The following KRT8 variants were observed in gnomAD, a reference collection of about 807,000 sequenced individuals.
KRT8 encodes the protein keratin, type II cytoskeletal 8.
In KRT8, 24 loss-of-function variants were observed where a neutral mutation model predicts 43.0. The observed-to-expected ratio is 0.56, with a 90% CI of 0.40 to 0.78. The LOEUF is 0.78. Ranked by LOEUF, KRT8 falls within the 30% of genes least tolerant of loss-of-function variation. The pLI is 0.00. For synonymous variants in KRT8, 214 were observed against 261.2 expected (o/e 0.82, Z 1.74); for missense variants, 492 against 638.4 (o/e 0.77, Z 2.47).
At chr12:52,929,850 C>T (rs772277006) in intron 2 of KRT8, among the ~76,000 whole-genome samples, 1 of 152,186 alleles carries the variant, frequency 6.6e-6, no homozygotes, top group Admixed American at 6.5e-5. Flanking sequence ...AGATCAACAT[C>T]TCCAGACTCT....
chr12:52,947,466 T>A (rs1481368871), intron 2 of KRT8: 2 of 118,276 alleles, frequency 1.7e-5, no homozygotes, highest in Non-Finnish European at 1.7e-5. Flanking sequence ...TAGGACACAT[T>A]ACTTTTATTT....
intron 2 of KRT8, among the ~76,000 whole-genome samples, chr12:52,913,606 C>T (rs1450198461): frequency 6.7e-6 from 1 of 149,338 alleles, no homozygotes; most frequent in Non-Finnish European, 1.5e-5. Flanking sequence ...CACACAACCT[C>T]AGCCTATAGC....
At chr12:52,945,756 C>T (rs1040016041) in intron 2 of KRT8, among the ~76,000 whole-genome samples, 82 of 152,212 alleles carry the variant, frequency 5.4e-4, no homozygotes, top group Middle Eastern at 3.4e-3. Flanking sequence ...TTTCCGGATT[C>T]CCCCCTGCCG....
intron 3 of KRT8, 132 bp from the exon 4 acceptor site, chr12:52,900,815 C>A (rs1003184992): frequency 1.4e-6 from 1 of 699,774 alleles, no homozygotes; most frequent in Non-Finnish European, 2.6e-6. Context: ...ATCTTCCAGC[C>A]CAGCCTCTGC....
chr12:52,912,991 G>A (rs200932008), intron 2 of KRT8, among the ~76,000 whole-genome samples: 27 of 152,360 alleles, frequency 1.8e-4, no homozygotes, highest in African/African-American at 6.5e-4. Context: ...GGAGCTAAGG[G>A]AGGAGCAGGA....
At chr12:52,904,582 G>C (rs531480180) in intron 1 of KRT8, 76 bp downstream of exon 1, 2 of 1,370,398 alleles carry the variant, frequency 1.5e-6, no homozygotes, top group Admixed American at 3.4e-5. Flanking sequence ...CTGGGGGCTG[G>C]AGATGTGCAT....
At chr12:52,910,079 A>G (rs1941603731), upstream of KRT8, among the ~76,000 whole-genome samples, 2 of 151,894 alleles carry the variant, frequency 1.3e-5, no homozygotes, top group Non-Finnish European at 1.5e-5. Flanking sequence ...CCTTTCTCAC[A>G]TTTTCAACAT....
chr12:52,905,822 G>C (rs188608949), upstream of KRT8, among the ~76,000 whole-genome samples: 152 of 152,132 alleles, frequency 1.0e-3, no homozygotes, highest in African/African-American at 3.4e-3. Context: ...GGCCAGGCAC[G>C]GTGGCTCACG....
At chr12:52,913,309 C>T (rs1941671728) in intron 2 of KRT8, among the ~76,000 whole-genome samples, 1 of 152,150 alleles carries the variant, frequency 6.6e-6, no homozygotes, top group African/African-American at 2.4e-5. Flanking sequence ...TCAGTTTCCT[C>T]CTCTGATATT....
intron 2 of KRT8, among the ~76,000 whole-genome samples, chr12:52,933,777 A>T (rs1942122291): frequency 6.6e-6 from 1 of 151,714 alleles, no homozygotes; most frequent in African/African-American, 2.4e-5. Context: ...GGTGCCCACG[A>T]CCATGCCTGG....
chr12:52,903,053 G>C (rs1941414269), intron 1 of KRT8, among the ~76,000 whole-genome samples: 3 of 152,078 alleles, frequency 2.0e-5, no homozygotes, highest in Admixed American at 2.0e-4. Flanking sequence ...AACTGGAGGG[G>C]ACAGAAATCT....
chr12:52,918,555 T>C (rs1941824626), intron 2 of KRT8, among the ~76,000 whole-genome samples: 1 of 152,184 alleles, frequency 6.6e-6, no homozygotes, highest in African/African-American at 2.4e-5. Context: ...CCCAAAGCCA[T>C]GTGTGACCAA....
chr12:52,941,522 CTT>C (rs1315674983), intron 2 of KRT8, among the ~76,000 whole-genome samples: 1 of 96,062 alleles, frequency 1.0e-5, no homozygotes, highest in South Asian at 3.5e-4. Flanking sequence ...GTGTTTCACT[CTT>C]GTTACCCAGG....
At chr12:52,901,916 G>A in exon 2 of KRT8, 1 of 1,611,550 alleles carries the variant, frequency 6.2e-7, no homozygotes, top group Non-Finnish European at 8.5e-7. Flanking sequence ...TCCGCCTCCA[G>A]CTTCAGCTTC....
At chr12:52,932,383 G>A (rs1209029262) in intron 2 of KRT8, among the ~76,000 whole-genome samples, 1 of 152,058 alleles carries the variant, frequency 6.6e-6, no homozygotes, top group Non-Finnish European at 1.5e-5. Flanking sequence ...CACCGCGCCT[G>A]GCAAATCATT....
At chr12:52,910,439 T>C (rs1941612076), upstream of KRT8, among the ~76,000 whole-genome samples, 1 of 152,158 alleles carries the variant, frequency 6.6e-6, no homozygotes, top group South Asian at 2.1e-4. Context: ...GAAAGGGTGA[T>C]ATACTCTGTC....
At chr12:52,921,550 C>T (rs1016609760) in intron 2 of KRT8, among the ~76,000 whole-genome samples, 1 of 152,096 alleles carries the variant, frequency 6.6e-6, no homozygotes, top group Non-Finnish European at 1.5e-5. Context: ...TCCCTCTTCA[C>T]TTATGCAGTG....
intron 2 of KRT8, among the ~76,000 whole-genome samples, chr12:52,932,092 C>CTTTTT (rs139882612): frequency 4.7e-5 from 6 of 128,692 alleles, no homozygotes; most frequent in Non-Finnish European, 6.6e-5. Context: ...GTAAATCATT[C>CTTTTT]TTTTTTTTTT....
intron 2 of KRT8, among the ~76,000 whole-genome samples, chr12:52,924,146 T>C (rs955745537): frequency 2.0e-5 from 3 of 152,076 alleles, no homozygotes; most frequent in African/African-American, 7.2e-5. Context: ...CCAAAAGCAT[T>C]ATACTTAAAA....
Sources: gnomAD v4.1 joint callset for allele counts (sites outside exome capture counted in the v4.1 genomes callset) on GRCh38, gnomAD v4.1.1 for gene constraint, MANE v1.5 for transcripts, NCBI Gene and HGNC (gene_info 2026-07-23, HGNC 2026-07-21) for gene names.